Variants in COL4A5 observed in about 807,000 individuals in gnomAD.
COL4A5 encodes the protein collagen alpha-5(IV) chain.
Under a neutral mutation model 130.2 loss-of-function variants are expected in COL4A5, and 26 were observed. That is an observed-to-expected ratio of 0.20 (90% CI 0.15 to 0.28). The LOEUF is 0.28. Among genes scored for constraint, COL4A5 ranks in the 10% least tolerant of loss-of-function variants. The pLI is 1.00. For synonymous variants in COL4A5, 496 were observed against 439.6 expected, an observed-to-expected ratio of 1.13 and a Z score of -1.60; for missense variants, 1,131 against 1,344.3, an observed-to-expected ratio of 0.84 and a Z score of 2.48.
At chrX:108,568,701 A>G in intron 5 of COL4A5, 28 bp downstream of exon 5, 6 of 1,196,224 alleles carry the variant, frequency 5.0e-6, no homozygotes, top group Non-Finnish European at 6.8e-6. Flanking sequence ...TTTTACTTTG[A>G]AATCTCTTGA....
At chrX:108,688,053 A>G (rs1459552689) in intron 49 of COL4A5, among the ~76,000 whole-genome samples, 1 of 111,536 alleles carries the variant, frequency 9.0e-6, no homozygotes, top group Admixed American at 9.6e-5. Context: ...CCTGGGAGAT[A>G]CTTACCTCAT....
chrX:108,605,712 G>A (rs1232819233), intron 28 of COL4A5, among the ~76,000 whole-genome samples: 1 of 111,677 alleles, frequency 9.0e-6, no homozygotes, highest in East Asian at 2.8e-4. Flanking sequence ...ATGCCTGTAC[G>A]ATGGTCTGCT....
At chrX:108,584,892 G>A (rs2066310906) in intron 18 of COL4A5, among the ~76,000 whole-genome samples, 1 of 109,366 alleles carries the variant, frequency 9.1e-6, no homozygotes, top group East Asian at 2.9e-4. Flanking sequence ...GGTGGGGGTG[G>A]GGGATTGGTC....
At chrX:108,441,086 C>G (rs1245965698) in intron 1 of COL4A5, among the ~76,000 whole-genome samples, 1 of 111,316 alleles carries the variant, frequency 9.0e-6, no homozygotes, top group Non-Finnish European at 1.9e-5. Flanking sequence ...CTCAGTATAT[C>G]TCTTAGAAGG....
rs2065487650 is a variant in COL4A5 at position 108,538,567 on chromosome X, G to A, written c.82-1179G>A. ...AGTACTTTCAAAAGGGTTGAGGAGG[G>A]TACTTTGGTAGTGACTAGAGTAAAG... On this transcript the variant is annotated intron_variant, in intron 1 of 52. Transcript: ENST00000328300. 2.7e-5 allele frequency among the ~76,000 whole-genome samples: 3 copies of A among 111,499 alleles called. No individual in the cohort carries two copies. The South Asian group carries it at 1.1e-3, about 42-fold the overall frequency.
At chrX:108,515,428 G>T (rs1406940823) in intron 1 of COL4A5, among the ~76,000 whole-genome samples, 1 of 111,861 alleles carries the variant, frequency 8.9e-6, no homozygotes, top group East Asian at 2.8e-4. Context: ...AAGCTCATTG[G>T]TTGACGATAT....
chrX:108,674,632 T>A, intron 42 of COL4A5, 113 bp from the exon 43 acceptor site: 1 of 742,509 alleles, frequency 1.3e-6, no homozygotes, highest in Non-Finnish European at 2.0e-6. Flanking sequence ...ATTATTGTTT[T>A]AACTTGTACT....
At chrX:108,519,817 T>C (rs1363795390) in intron 1 of COL4A5, among the ~76,000 whole-genome samples, 1 of 111,014 alleles carries the variant, frequency 9.0e-6, no homozygotes, top group Non-Finnish European at 1.9e-5. Flanking sequence ...GGAACCAAAT[T>C]GTCAGTGGTC....
At chrX:108,459,700 C>T (rs1475896021) in intron 1 of COL4A5, among the ~76,000 whole-genome samples, 1 of 112,030 alleles carries the variant, frequency 8.9e-6, no homozygotes, top group Admixed American at 9.5e-5. Context: ...ATATACCTTG[C>T]ATCATCTAGC....
At chrX:108,603,257 C>CAAAAA (rs762022225) in intron 28 of COL4A5, among the ~76,000 whole-genome samples, 196 bp downstream of exon 28, 1 of 43,290 alleles carries the variant, frequency 2.3e-5, no homozygotes, top group Non-Finnish European at 5.6e-5. Context: ...ACATTTGGAG[C>CAAAAA]AAAAAAAAAA....
At chrX:108,674,778 T>A in intron 43 of COL4A5, 25 bp downstream of exon 43, 1 of 166,992 alleles carries the variant, frequency 6.0e-6, no homozygotes, top group Non-Finnish European at 9.8e-6. Flanking sequence ...TGGTCAATTC[T>A]TTTTTTTTTT....
chrX:108,458,149 C>T lies in COL4A5; in HGVS notation c.81+17943C>T, dbSNP rs192005287. 7.5e-3 allele frequency among the ~76,000 whole-genome samples: 804 copies of T among 106,732 alleles called. 8 individuals are homozygous for T. Among genetic ancestry groups the T allele is most frequent in the African/African-American group, 0.029 (762 of 26,449 alleles). 92.7% of individuals were successfully genotyped at this position (106,732 alleles called of 115,157 possible). ...CCCTTTATAAGAAATCTTTGACTTCCCCAAGGTCACCAAGATTTTCTTTCA... is the reference window on the plus strand; with the variant it reads ...CCCTTTATAAGAAATCTTTGACTTCTCCAAGGTCACCAAGATTTTCTTTCA... On this transcript the variant is annotated intron_variant, in intron 1 of 52. Transcript: ENST00000328300.
chrX:108,576,230 T>C (rs772675772), intron 10 of COL4A5, among the ~76,000 whole-genome samples: 1 of 112,247 alleles, frequency 8.9e-6, no homozygotes, highest in African/African-American at 3.2e-5. Flanking sequence ...GCTCTTGATG[T>C]ATCAGTGTTG....
At chrX:108,600,093 G>C (rs1020874073) in intron 25 of COL4A5, among the ~76,000 whole-genome samples, 1 of 112,408 alleles carries the variant, frequency 8.9e-6, no homozygotes, top group African/African-American at 3.2e-5. Context: ...TCTGATTAAA[G>C]TTTAGCACCT....
At chrX:108,576,040 T>G in intron 10 of COL4A5, 68 bp downstream of exon 10, 1 of 649,395 alleles carries the variant, frequency 1.5e-6, no homozygotes, top group Admixed American at 2.8e-5. Flanking sequence ...ATATTAATAT[T>G]ATTTATAATA....
intron 52 of COL4A5, chrX:108,695,978 A>C: frequency 3.8e-6 from 1 of 266,613 alleles, no homozygotes; most frequent in African/African-American, 2.8e-5. Context: ...TCATAACATC[A>C]TCAGTTGCCC....
chrX:108,654,502 G>A (rs897846940), intron 36 of COL4A5, among the ~76,000 whole-genome samples: 36 of 112,774 alleles, frequency 3.2e-4, no homozygotes, highest in African/African-American at 1.2e-3. Flanking sequence ...CTGGCCTGTA[G>A]TGGCATGATC....
intron 1 of COL4A5, among the ~76,000 whole-genome samples, chrX:108,485,175 C>G (rs2064932171): frequency 9.0e-6 from 1 of 111,597 alleles, no homozygotes; most frequent in Non-Finnish European, 1.9e-5. Flanking sequence ...TGCTGCCAGG[C>G]CTGGGCCTCA....
At chrX:108,456,554 T>A (rs1400390079) in intron 1 of COL4A5, among the ~76,000 whole-genome samples, 1 of 111,748 alleles carries the variant, frequency 8.9e-6, no homozygotes, top group Non-Finnish European at 1.9e-5. Flanking sequence ...TGTCTTTTTG[T>A]CCTGGCTATC....
Sources: gnomAD v4.1 joint callset for allele counts (sites outside exome capture counted in the v4.1 genomes callset) on GRCh38, gnomAD v4.1.1 for gene constraint, MANE v1.5 for transcripts, NCBI Gene and HGNC (gene_info 2026-07-23, HGNC 2026-07-21) for gene names.